Variants in FANCB observed in about 807,000 individuals in gnomAD.
FANCB encodes FA complementation group B.
FANCB carries 5 observed loss-of-function variants against 38.9 expected under a neutral mutation model. The observed-to-expected ratio is 0.13, with a 90% CI of 0.07 to 0.27. FANCB has a LOEUF of 0.27. Ranked by LOEUF, FANCB falls within the 10% of genes least tolerant of loss-of-function variation. The probability of loss-of-function intolerance (pLI) is 1.00; values close to 1 mark genes in which losing one functional copy is unlikely to be tolerated. For missense variants in FANCB, 573 were observed against 602.7 expected, an observed-to-expected ratio of 0.95 and a Z score of 0.52; for synonymous variants, 236 against 215.4, an observed-to-expected ratio of 1.10 and a Z score of -0.84.
chrX:14,731,859 T>C, the FANCB span: 2 of 111,461 alleles, frequency 1.8e-5, no homozygotes, highest in Non-Finnish European at 3.8e-5. Context: ...AATGTAGATA[T>C]TTACTTTATC....
chrX:14,707,457 C>T, the FANCB span, among the ~76,000 whole-genome samples: 6 of 111,283 alleles, frequency 5.4e-5, no homozygotes, highest in African/African-American at 1.6e-4. Context: ...CTCTTCCTTT[C>T]GCCTGCTTTT....
chrX:14,832,747 G>A (rs1433304898), downstream of FANCB, among the ~76,000 whole-genome samples: 1 of 111,988 alleles, frequency 8.9e-6, no homozygotes, highest in Non-Finnish European at 1.9e-5. Context: ...GTGTGCAGAT[G>A]TGTATCTTGG....
At chrX:14,707,757 G>GGTGTGTGTGT in the FANCB span, among the ~76,000 whole-genome samples, 5,584 of 106,129 alleles carry the variant, frequency 0.053, 186 homozygotes, top group Admixed American at 0.11. Flanking sequence ...CAGCAAAAAA[G>GGTGTGTGTGT]GTGTGTGTGT....
chrX:14,719,159 T>C, the FANCB span, among the ~76,000 whole-genome samples: 1 of 111,913 alleles, frequency 8.9e-6, no homozygotes, highest in African/African-American at 3.3e-5. Flanking sequence ...TTTTTTGTTA[T>C]TGGTGTTTTA....
At chrX:14,765,379 A>G in the FANCB span, among the ~76,000 whole-genome samples, 1 of 112,092 alleles carries the variant, frequency 8.9e-6, no homozygotes, top group African/African-American at 3.2e-5. Context: ...TCTGTTACAC[A>G]GTAAGAGAGG....
chrX:14,708,949 A>G, the FANCB span, among the ~76,000 whole-genome samples: 1 of 109,328 alleles, frequency 9.1e-6, no homozygotes, highest in Non-Finnish European at 1.9e-5. Flanking sequence ...CACAAAAAGA[A>G]AAAAAAAAGA....
At chrX:14,840,434 G>A (rs986180263), downstream of FANCB, among the ~76,000 whole-genome samples, 2 of 111,447 alleles carry the variant, frequency 1.8e-5, no homozygotes, top group African/African-American at 6.5e-5. Flanking sequence ...CAGCTGCCAG[G>A]GAAAGGTCTT....
At chrX:14,796,910 G>A in the FANCB span, among the ~76,000 whole-genome samples, 42 of 110,305 alleles carry the variant, frequency 3.8e-4, no homozygotes, top group African/African-American at 1.3e-3. Flanking sequence ...CCAAAAGCTG[G>A]CAGTTGGAGT....
chrX:14,795,063 T>C, the FANCB span, among the ~76,000 whole-genome samples: 1 of 111,796 alleles, frequency 8.9e-6, no homozygotes, highest in African/African-American at 3.3e-5. Flanking sequence ...GTGTCCTGGA[T>C]TGCCAGCTTT....
chrX:14,753,875 C>A, the FANCB span, among the ~76,000 whole-genome samples: 32 of 112,196 alleles, frequency 2.9e-4, no homozygotes, highest in African/African-American at 1.0e-3. Flanking sequence ...TCTACCACAG[C>A]AGGCAAAAGC....
the FANCB span, among the ~76,000 whole-genome samples, chrX:14,757,263 C>T: frequency 1.8e-5 from 2 of 112,123 alleles, no homozygotes; most frequent in African/African-American, 6.5e-5. Context: ...CCTGCATTTC[C>T]ATGTTTATTC....
At chrX:14,709,263 C>T in the FANCB span, among the ~76,000 whole-genome samples, 1 of 111,073 alleles carries the variant, frequency 9.0e-6, no homozygotes, top group African/African-American at 3.3e-5. Context: ...GGGCTACAGA[C>T]CCCCCATCAT....
At chrX:14,762,750 G>A in the FANCB span, among the ~76,000 whole-genome samples, 1 of 111,938 alleles carries the variant, frequency 8.9e-6, no homozygotes, top group African/African-American at 3.2e-5. Flanking sequence ...ATCAACACCA[G>A]ACTCAATAAA....
chrX:14,746,907 T>C, the FANCB span, among the ~76,000 whole-genome samples: 1 of 111,892 alleles, frequency 8.9e-6, no homozygotes, highest in African/African-American at 3.3e-5. Flanking sequence ...AAATTTACGA[T>C]GGGCCATTGT....
chrX:14,693,929 G>A, the FANCB span, among the ~76,000 whole-genome samples: 1 of 111,763 alleles, frequency 8.9e-6, no homozygotes, highest in Non-Finnish European at 1.9e-5. Flanking sequence ...CTAAAGCCAT[G>A]CTTAGTGAAA....
chrX:14,796,928 T>C, the FANCB span, among the ~76,000 whole-genome samples: 1 of 110,099 alleles, frequency 9.1e-6, no homozygotes, highest in African/African-American at 3.3e-5. Context: ...AGTTCTAAGG[T>C]CGGAAAAGAC....
At chrX:14,797,536 G>A in the FANCB span, among the ~76,000 whole-genome samples, 8 of 110,000 alleles carry the variant, frequency 7.3e-5, no homozygotes, top group African/African-American at 2.7e-4. Flanking sequence ...ATAAAAATTA[G>A]CCAGGTGTGC....
At chrX:14,726,198 A>T in the FANCB span, among the ~76,000 whole-genome samples, 1 of 112,340 alleles carries the variant, frequency 8.9e-6, no homozygotes. Flanking sequence ...TTCATATAGG[A>T]ATCTTGTCAT....
the FANCB span, among the ~76,000 whole-genome samples, chrX:14,698,326 T>C: frequency 9.0e-6 from 1 of 111,340 alleles, no homozygotes; most frequent in African/African-American, 3.3e-5. Flanking sequence ...AACTACTAAA[T>C]TAATTTTCAC....
Sources: gnomAD v4.1 joint callset for allele counts (sites outside exome capture counted in the v4.1 genomes callset) on GRCh38, gnomAD v4.1.1 for gene constraint, MANE v1.5 for transcripts, NCBI Gene and HGNC (gene_info 2026-07-23, HGNC 2026-07-21) for gene names.